The following ROBO1 variants were observed in gnomAD, a reference collection of about 807,000 sequenced individuals.
The protein encoded by ROBO1 is roundabout homolog 1.
In ROBO1, 149 loss-of-function variants were observed where a neutral mutation model predicts 195.9. The observed-to-expected ratio is 0.76, with a 90% CI of 0.67 to 0.87. The LOEUF is 0.87. ROBO1 is among the 40% of genes least tolerant of loss of function. The pLI is 0.00. For missense variants in ROBO1, 1,933 were observed against 2,068.3 expected (o/e 0.93, Z 1.27); for synonymous variants, 816 against 733.2 (o/e 1.11, Z -1.82).
chr3:79,320,691 T>A (rs2109127910), intron 2 of ROBO1, among the ~76,000 whole-genome samples: 1 of 152,310 alleles, frequency 6.6e-6, no homozygotes, highest in East Asian at 1.9e-4. Context: ...AAGAAATATT[T>A]TAAAGACTCT....
At chr3:79,509,060 C>T (rs181588505) in intron 2 of ROBO1, among the ~76,000 whole-genome samples, 34 of 151,962 alleles carry the variant, frequency 2.2e-4, no homozygotes, top group Admixed American at 3.9e-4. Context: ...TTAGCAAAAA[C>T]AATTTTTATA....
chr3:78,722,120 A>C lies in ROBO1; in HGVS notation c.658-4237T>G, dbSNP rs975423337. Among the ~76,000 whole-genome samples the C allele has an allele frequency of 6.6e-5, 10 of 152,294 alleles. No individual in the cohort carries two copies. The East Asian group carries it at 9.6e-4, about 15-fold the overall frequency. On this transcript the variant is annotated intron_variant, in intron 5 of 30. Coordinates refer to ENST00000464233, the MANE Select transcript of ROBO1 (RefSeq NM_002941.4). ...TTACACTTGGCTTAATCATGAAAAA[A>C]ATTGTATAACTGAATCTATCAGACC... is the stretch of plus-strand genomic sequence containing the variant.
At chr3:79,522,361 G>A (rs1941246191) in intron 2 of ROBO1, among the ~76,000 whole-genome samples, 1 of 142,850 alleles carries the variant, frequency 7.0e-6, no homozygotes, top group Non-Finnish European at 1.5e-5. Flanking sequence ...TGTGCTCTCT[G>A]CCTCTGTTCC....
chr3:79,522,330 CTT>C (rs11293842), intron 2 of ROBO1, among the ~76,000 whole-genome samples: 246 of 134,744 alleles, frequency 1.8e-3, no homozygotes, highest in South Asian at 6.1e-3. Flanking sequence ...AAGACTGTTA[CTT>C]TTTTTTTTTT....
chr3:78,810,176 G>A (rs2084692321), intron 4 of ROBO1, among the ~76,000 whole-genome samples: 1 of 152,160 alleles, frequency 6.6e-6, no homozygotes, highest in Non-Finnish European at 1.5e-5. Context: ...CCAAGCGCCA[G>A]CTTGCAAACT....
chr3:79,197,042 T>C (rs1197021899), intron 2 of ROBO1, among the ~76,000 whole-genome samples: 2 of 151,698 alleles, frequency 1.3e-5, no homozygotes, highest in Non-Finnish European at 3.0e-5. Flanking sequence ...AGTAAATATA[T>C]ACCTATCTTG....
At chr3:79,620,431 T>G (rs1944969287) in intron 1 of ROBO1, among the ~76,000 whole-genome samples, 1 of 152,132 alleles carries the variant, frequency 6.6e-6, no homozygotes, top group South Asian at 2.1e-4. Context: ...CAAGGGCCCC[T>G]TTCCCTTGCC....
At chr3:78,963,752 C>T (rs932591660) in intron 3 of ROBO1, among the ~76,000 whole-genome samples, 14 of 151,890 alleles carry the variant, frequency 9.2e-5, no homozygotes, top group African/African-American at 3.1e-4. Context: ...CTCCTGACCT[C>T]GTGATCCACC....
intron 2 of ROBO1, among the ~76,000 whole-genome samples, chr3:79,296,841 C>T (rs1294245439): frequency 6.6e-6 from 1 of 151,958 alleles, no homozygotes; most frequent in African/African-American, 2.4e-5. Flanking sequence ...CTTGTTATTC[C>T]CCATCTTTTG....
chr3:79,179,264 A>C (rs954048673), intron 2 of ROBO1, among the ~76,000 whole-genome samples: 1 of 152,242 alleles, frequency 6.6e-6, no homozygotes, highest in Non-Finnish European at 1.5e-5. Context: ...TCTACTGCAC[A>C]TGAGAAGCTC....
chr3:79,341,973 A>T (rs113650198), intron 2 of ROBO1, among the ~76,000 whole-genome samples: 1,822 of 152,298 alleles, frequency 0.012, 17 homozygotes, highest in Admixed American at 0.023. Flanking sequence ...AGGAGTTAGG[A>T]ACAAATGTTT....
At position 78,992,161 on chromosome 3, in the gene ROBO1, C is replaced by T. The variant is rs573794157; in HGVS notation, c.173-53234G>A. ...CTGAATACAATTATTTGACAAAGAA[C>T]GTGGTGCCATATGCCTTCCTAATGG... is the stretch of plus-strand genomic sequence containing the variant. On this transcript the variant is annotated intron_variant, in intron 3 of 30. Transcript: ENST00000464233. Among the ~76,000 whole-genome samples the T allele has an allele frequency of 1.4e-4, 22 of 152,224 alleles. No individual in the cohort carries two copies. The East Asian group carries it at 1.7e-3, about 12-fold the overall frequency.
chr3:78,720,292 T>C (rs1393401976), intron 5 of ROBO1, among the ~76,000 whole-genome samples: 1 of 152,192 alleles, frequency 6.6e-6, no homozygotes. Flanking sequence ...GTGAAGACTT[T>C]AGGTCAGATA....
At chr3:78,829,506 T>C (rs1360423952) in intron 4 of ROBO1, among the ~76,000 whole-genome samples, 2 of 152,170 alleles carry the variant, frequency 1.3e-5, no homozygotes, top group African/African-American at 2.4e-5. Flanking sequence ...TAGTCCATTT[T>C]TCTGCCCTCA....
At chr3:79,741,937 A>T (rs755232414) in intron 1 of ROBO1, among the ~76,000 whole-genome samples, 8 of 152,168 alleles carry the variant, frequency 5.3e-5, no homozygotes. Context: ...TTGAACTTGC[A>T]AGTGATGATT....
intron 3 of ROBO1, among the ~76,000 whole-genome samples, chr3:78,968,271 CTTTTTT>C (rs35361494): frequency 8.4e-6 from 1 of 119,462 alleles, no homozygotes; most frequent in Non-Finnish European, 1.7e-5. Context: ...TGTATAGATT[CTTTTTT>C]TTTTTTTTTT....
intron 2 of ROBO1, among the ~76,000 whole-genome samples, chr3:79,146,629 G>C (rs1229808745): frequency 6.6e-6 from 1 of 151,830 alleles, no homozygotes; most frequent in Non-Finnish European, 1.5e-5. Context: ...AACATTTTAA[G>C]ATTGATTTTT....
At chr3:78,921,384 C>T (rs1036931436) in intron 4 of ROBO1, among the ~76,000 whole-genome samples, 14 of 152,196 alleles carry the variant, frequency 9.2e-5, no homozygotes, top group South Asian at 4.1e-4. Flanking sequence ...CTCTCTATGG[C>T]GCTTAAAAAT....
intron 1 of ROBO1, among the ~76,000 whole-genome samples, chr3:79,636,204 A>G (rs2108047557): frequency 6.6e-6 from 1 of 152,316 alleles, no homozygotes; most frequent in African/African-American, 2.4e-5. Context: ...CTTTTAAACC[A>G]GAAACCCTGA....
Sources: gnomAD v4.1 joint callset for allele counts (sites outside exome capture counted in the v4.1 genomes callset) on GRCh38, gnomAD v4.1.1 for gene constraint, MANE v1.5 for transcripts, NCBI Gene and HGNC (gene_info 2026-07-23, HGNC 2026-07-21) for gene names.